Variants in GALNTL5 observed in about 807,000 individuals in gnomAD.
GALNTL5 encodes polypeptide N-acetylgalactosaminyltransferase like 5.
GALNTL5 carries 44 observed loss-of-function variants against 51.0 expected under a neutral mutation model. That is an observed-to-expected ratio of 0.86 (90% CI 0.68 to 1.11). The LOEUF (loss-of-function observed/expected upper bound fraction) is 1.11, where lower values mean the gene tolerates loss of function less well. GALNTL5 is among the 50% of genes least tolerant of loss of function. The pLI is 0.00. For synonymous variants in GALNTL5, 192 were observed against 182.8 expected (o/e 1.05, Z -0.41); for missense variants, 528 against 531.8 (o/e 0.99, Z 0.07).
intron 2 of GALNTL5, chr7:151,970,692 C>G (rs748283382): frequency 2.1e-5 from 6 of 280,548 alleles, no homozygotes; most frequent in Non-Finnish European, 4.1e-5. Flanking sequence ...TCAATGCTTC[C>G]TGCAGAACTG....
At chr7:151,986,758 G>A (rs1191927152) in intron 4 of GALNTL5, among the ~76,000 whole-genome samples, 1 of 126,694 alleles carries the variant, frequency 7.9e-6, no homozygotes. Context: ...ATAGGGTTTT[G>A]CTCTTGTTGC....
intron 7 of GALNTL5, among the ~76,000 whole-genome samples, chr7:152,012,724 T>C (rs745804569): frequency 2.0e-5 from 3 of 152,166 alleles, no homozygotes; most frequent in Non-Finnish European, 4.4e-5. Flanking sequence ...CCGAGCACTT[T>C]GGGAGGCCAA....
chr7:151,966,125 A>G (rs527729932), intron 1 of GALNTL5, among the ~76,000 whole-genome samples: 3 of 152,252 alleles, frequency 2.0e-5, no homozygotes, highest in Non-Finnish European at 2.9e-5. Context: ...CTTTTTGCAC[A>G]TGATGTTTTT....
intron 4 of GALNTL5, among the ~76,000 whole-genome samples, chr7:151,986,199 A>C (rs1392038302): frequency 6.6e-6 from 1 of 152,152 alleles, no homozygotes; most frequent in Non-Finnish European, 1.5e-5. Context: ...TGGTTCGATA[A>C]CTTTCCCAAG....
intron 1 of GALNTL5, among the ~76,000 whole-genome samples, chr7:151,964,951 C>G (rs1389382395): frequency 6.6e-6 from 1 of 152,092 alleles, no homozygotes; most frequent in African/African-American, 2.4e-5. Context: ...ACAGATGGAC[C>G]CAGACACTCC....
At chr7:151,989,842 T>C (rs1028393124) in intron 5 of GALNTL5, among the ~76,000 whole-genome samples, 1 of 152,224 alleles carries the variant, frequency 6.6e-6, no homozygotes, top group African/African-American at 2.4e-5. Flanking sequence ...TTTTCATAGA[T>C]TGCTTACAGA....
chr7:151,967,140 A>G, intron 1 of GALNTL5, 68 bp from the exon 2 acceptor site: 1 of 994,752 alleles, frequency 1.0e-6, no homozygotes, highest in Non-Finnish European at 1.5e-6. Context: ...ATGGAATTTA[A>G]GCCAAGTAGG....
intron 7 of GALNTL5, among the ~76,000 whole-genome samples, chr7:152,011,211 T>C (rs932956810): frequency 6.6e-6 from 1 of 152,250 alleles, no homozygotes; most frequent in African/African-American, 2.4e-5. Flanking sequence ...CACTTCCATC[T>C]GAGGCCGGCA....
chr7:152,018,385 A>T (rs1186734399), intron 8 of GALNTL5, among the ~76,000 whole-genome samples: 3 of 152,226 alleles, frequency 2.0e-5, no homozygotes, highest in Non-Finnish European at 4.4e-5. Context: ...TTAATCAGAT[A>T]GGTTAAAAAA....
intron 2 of GALNTL5, among the ~76,000 whole-genome samples, chr7:151,969,464 CT>C (rs978470783): frequency 6.6e-6 from 1 of 152,172 alleles, no homozygotes; most frequent in African/African-American, 2.4e-5. Flanking sequence ...CAAAGTGAGA[CT>C]TTTAATGGCG....
In GALNTL5 at chr7:152,002,714, G is replaced by A. The variant is rs1442580697; in HGVS notation, c.659G>A (p.Gly220Glu). Residue 220 changes from glycine to glutamate, a missense_variant and splice_region_variant, in exon 6 of 9, where the codon GGG becomes GAG. Transcript: ENST00000392800. ...ARLIGASHAS[G>E]DVLVFLDSHC... ...CATTGCCCTGTTCTTGCCTCCCCAG[G>A]GGATGTTCTGGTGTTCCTGGACAGC... The A allele has an allele frequency of 6.2e-7, 1 of 1,613,900 alleles. No homozygotes were observed. The highest frequency in any genetic ancestry group is 8.5e-7 in the Non-Finnish European group (1 of 1,179,998).
intron 5 of GALNTL5, among the ~76,000 whole-genome samples, chr7:151,988,699 A>T (rs2081391468): frequency 7.5e-6 from 1 of 132,492 alleles, no homozygotes; most frequent in Non-Finnish European, 1.6e-5. Flanking sequence ...AGGGTTAAGG[A>T]TTTTTATTTA....
chr7:152,019,597 A>G (rs1435692157), intron 8 of GALNTL5, 49 bp from the exon 9 acceptor site: 1 of 1,547,728 alleles, frequency 6.5e-7, no homozygotes, highest in Admixed American at 1.8e-5. Context: ...TTTGATCAGC[A>G]AAGATTTGTT....
chr7:152,016,601 T>C (rs747557982), intron 8 of GALNTL5, among the ~76,000 whole-genome samples: 4 of 152,216 alleles, frequency 2.6e-5, no homozygotes, highest in Non-Finnish European at 5.9e-5. Flanking sequence ...GCGCATGCTT[T>C]TGTGCACCAG....
intron 8 of GALNTL5, 74 bp downstream of exon 8, chr7:152,014,867 T>C: frequency 7.2e-7 from 1 of 1,389,886 alleles, no homozygotes. Flanking sequence ...AGCCTGCTGC[T>C]GCCTTTCCAG....
At position 151,967,752 on chromosome 7, in the gene GALNTL5, G is replaced by A. The variant is rs564500759; in HGVS notation, c.247+259G>A. On this transcript the variant is annotated intron_variant, in intron 2 of 8. Transcript: ENST00000392800. ...TTTCTGTTTTTCCAAGAAATAAGTT[G>A]TAATAGTACAGTAAAAACTCCACCT... Among the ~76,000 whole-genome samples, 95 of 152,054 alleles carry A rather than the reference G, an allele frequency of 6.2e-4. 1 individual carries two copies. The highest frequency in any genetic ancestry group is 6.2e-4 in the Non-Finnish European group (42 of 68,014).
At position 152,019,703 on chromosome 7, in the gene GALNTL5, G is replaced by A. The variant is rs769861408; in HGVS notation, c.1234G>A (p.Glu412Lys). The A allele has an allele frequency of 1.5e-5, 24 of 1,613,692 alleles. No homozygotes were observed. Among genetic ancestry groups the A allele is most frequent in the Non-Finnish European group, 1.9e-5 (23 of 1,179,800 alleles). The change falls in exon 9 of 9, where the codon GAG becomes AAG. Residue 412 changes from glutamate (E) to lysine (K), a missense_variant. Coordinates refer to ENST00000392800, the MANE Select transcript of GALNTL5 (RefSeq NM_145292.4). ...LKYVTYGNIR[E>K]RVELRKRLGC... ...ATATGTCACCTACGGAAATATTCGC[G>A]AGCGTGTTGAGTTAAGGAAACGACT...
chr7:151,968,833 A>C (rs1012981110), intron 2 of GALNTL5, among the ~76,000 whole-genome samples: 1 of 152,196 alleles, frequency 6.6e-6, no homozygotes, highest in African/African-American at 2.4e-5. Context: ...GGGTGAGTAA[A>C]GCCATCACTT....
At chr7:151,985,303 G>A (rs945646283) in intron 4 of GALNTL5, among the ~76,000 whole-genome samples, 5 of 152,074 alleles carry the variant, frequency 3.3e-5, no homozygotes, top group African/African-American at 1.2e-4. Context: ...CTAGGGGGTC[G>A]CTGCTGCCAA....
Sources: gnomAD v4.1 joint callset for allele counts (sites outside exome capture counted in the v4.1 genomes callset) on GRCh38, gnomAD v4.1.1 for gene constraint, MANE v1.5 for transcripts, NCBI Gene and HGNC (gene_info 2026-07-23, HGNC 2026-07-21) for gene names.